Variants in NCKAP5 observed in about 807,000 individuals in gnomAD.
NCKAP5 encodes nck-associated protein 5.
Under a neutral mutation model 167.0 loss-of-function variants are expected in NCKAP5, and 92 were observed. The observed-to-expected ratio is 0.55, with a 90% CI of 0.47 to 0.66. NCKAP5 has a LOEUF of 0.66. Among genes scored for constraint, NCKAP5 ranks in the 30% least tolerant of loss-of-function variants. The pLI, the probability that NCKAP5 is intolerant of heterozygous loss-of-function variation, is 0.00. For synonymous variants in NCKAP5, 891 were observed against 877.4 expected (o/e 1.02, Z -0.27); for missense variants, 2,378 against 2,315.0 (o/e 1.03, Z -0.56).
At chr2:133,651,590 T>C in the NCKAP5 span, among the ~76,000 whole-genome samples, 1 of 152,154 alleles carries the variant, frequency 6.6e-6, no homozygotes, top group Non-Finnish European at 1.5e-5. Flanking sequence ...AAAGCCAATA[T>C]AGAAAACAGT....
chr2:132,928,810 G>A (rs1397371944), intron 8 of NCKAP5, among the ~76,000 whole-genome samples: 1 of 152,040 alleles, frequency 6.6e-6, no homozygotes, highest in Non-Finnish European at 1.5e-5. Flanking sequence ...CAATGTCTAA[G>A]ATGAAGTTAG....
chr2:133,071,451 C>A (rs978807289), intron 6 of NCKAP5, among the ~76,000 whole-genome samples: 16 of 151,950 alleles, frequency 1.1e-4, no homozygotes, highest in African/African-American at 3.4e-4. Flanking sequence ...TCTCAAAAAA[C>A]AAAAAACAAA....
the NCKAP5 span, among the ~76,000 whole-genome samples, chr2:133,629,563 C>G: frequency 4.1e-4 from 63 of 152,266 alleles, 2 homozygotes; most frequent in East Asian, 0.012. Context: ...GCATGGAAGA[C>G]AGTGTGGCAA....
chr2:133,494,391 C>T (rs892189700), intron 3 of NCKAP5, among the ~76,000 whole-genome samples: 2 of 152,104 alleles, frequency 1.3e-5, no homozygotes, highest in Non-Finnish European at 2.9e-5. Context: ...ATGTCATTGC[C>T]TCAGCTCCAC....
chr2:132,679,575 A>T (rs1318267091), intron 19 of NCKAP5, among the ~76,000 whole-genome samples: 1 of 152,166 alleles, frequency 6.6e-6, no homozygotes, highest in Non-Finnish European at 1.5e-5. Context: ...CTGGTGCTGC[A>T]GGGAGTTAGT....
intron 10 of NCKAP5, among the ~76,000 whole-genome samples, chr2:132,867,640 G>A (rs1194680471): frequency 6.6e-6 from 1 of 152,142 alleles, no homozygotes; most frequent in Admixed American, 6.5e-5. Context: ...TGGATGTGAT[G>A]ACTGGAGCTA....
chr2:133,479,157 G>A (rs1355971424), intron 3 of NCKAP5, among the ~76,000 whole-genome samples: 1 of 152,122 alleles, frequency 6.6e-6, no homozygotes, highest in Non-Finnish European at 1.5e-5. Context: ...TTCAGCTCCA[G>A]TAAAAACTAA....
chr2:133,610,687 A>C, the NCKAP5 span, among the ~76,000 whole-genome samples: 1 of 151,898 alleles, frequency 6.6e-6, no homozygotes, highest in African/African-American at 2.4e-5. Flanking sequence ...AAAGTTAATA[A>C]ACACACACAC....
intron 5 of NCKAP5, among the ~76,000 whole-genome samples, chr2:133,167,027 A>T (rs1242366491): frequency 4.0e-4 from 61 of 152,058 alleles, no homozygotes; most frequent in Admixed American, 4.0e-3. Flanking sequence ...CTTTCCTGTG[A>T]CTCCAGCAAC....
At chr2:133,257,961 T>C (rs780649787) in intron 4 of NCKAP5, among the ~76,000 whole-genome samples, 5 of 151,978 alleles carry the variant, frequency 3.3e-5, no homozygotes, top group South Asian at 2.1e-4. Context: ...CTTTTCCACA[T>C]TGTAGATACT....
At chr2:133,635,122 C>T in the NCKAP5 span, among the ~76,000 whole-genome samples, 2 of 152,116 alleles carry the variant, frequency 1.3e-5, no homozygotes, top group Admixed American at 1.3e-4. Context: ...GATCCACCTG[C>T]CTTGGCCTCC....
intron 2 of NCKAP5, among the ~76,000 whole-genome samples, chr2:133,539,994 C>G (rs1190929606): frequency 6.6e-6 from 1 of 152,100 alleles, no homozygotes; most frequent in Non-Finnish European, 1.5e-5. Flanking sequence ...TCCTGGCTAA[C>G]ACAGTGAAAC....
intron 16 of NCKAP5, among the ~76,000 whole-genome samples, chr2:132,763,706 C>T (rs779177643): frequency 2.7e-4 from 41 of 152,214 alleles, no homozygotes; most frequent in Non-Finnish European, 1.3e-4. Context: ...CCAATGCTCC[C>T]AGTTCCACTA....
chr2:133,589,066 A>G, the NCKAP5 span, among the ~76,000 whole-genome samples: 2 of 152,084 alleles, frequency 1.3e-5, no homozygotes, highest in African/African-American at 2.4e-5. Flanking sequence ...GTGGGTTTGG[A>G]GCAGAGGACT....
chr2:132,953,233 T>G (rs1375208877), intron 8 of NCKAP5, among the ~76,000 whole-genome samples: 1 of 152,218 alleles, frequency 6.6e-6, no homozygotes, highest in Non-Finnish European at 1.5e-5. Flanking sequence ...GAGGGCTCCT[T>G]GAGGCTGTTT....
At chr2:132,696,562 A>G (rs1214722731) in intron 19 of NCKAP5, among the ~76,000 whole-genome samples, 1 of 152,174 alleles carries the variant, frequency 6.6e-6, no homozygotes, top group Non-Finnish European at 1.5e-5. Flanking sequence ...AGGTTCAGCC[A>G]AGTTAAGAAG....
chr2:133,618,240 A>G, the NCKAP5 span, among the ~76,000 whole-genome samples: 3 of 151,710 alleles, frequency 2.0e-5, no homozygotes, highest in African/African-American at 7.3e-5. Context: ...GGACATAGGC[A>G]TGGGCAAGGA....
At chr2:133,379,034 C>A (rs1179094751) in intron 3 of NCKAP5, among the ~76,000 whole-genome samples, 1 of 152,154 alleles carries the variant, frequency 6.6e-6, no homozygotes, top group African/African-American at 2.4e-5. Context: ...GATAACATAA[C>A]CATGCTATTA....
the NCKAP5 span, among the ~76,000 whole-genome samples, chr2:133,657,220 C>T: frequency 6.6e-6 from 1 of 152,190 alleles, no homozygotes; most frequent in Non-Finnish European, 1.5e-5. Context: ...TCATTGTGTG[C>T]CCCAGTTCTC....
Sources: allele counts gnomAD v4.1 joint callset (sites outside exome capture counted in the v4.1 genomes callset), GRCh38; gene constraint gnomAD v4.1.1; transcripts MANE v1.5; gene names NCBI Gene and HGNC (gene_info 2026-07-23, HGNC 2026-07-21).